MIPOL1: variants seen among roughly 807,000 people sequenced by gnomAD.
MIPOL1 encodes mirror-image polydactyly 1.
MIPOL1 carries 57 observed loss-of-function variants against 60.9 expected under a neutral mutation model. That is an observed-to-expected ratio of 0.94 (90% CI 0.76 to 1.17). MIPOL1 has a LOEUF of 1.17. Among genes scored for constraint, MIPOL1 ranks in the 50% most tolerant of loss-of-function variants. The pLI is 0.00. For synonymous variants in MIPOL1, 179 were observed against 168.8 expected (o/e 1.06, Z -0.47); for missense variants, 551 against 511.6 (o/e 1.08, Z -0.74).
intron 6 of MIPOL1, among the ~76,000 whole-genome samples, chr14:37,281,470 T>A (rs1186173220): frequency 6.6e-6 from 1 of 152,224 alleles, no homozygotes; most frequent in East Asian, 1.9e-4. Context: ...AGTGGCACGA[T>A]CTCAGCTTAC....
intron 9 of MIPOL1, among the ~76,000 whole-genome samples, chr14:37,359,018 T>A (rs2092043052): frequency 6.6e-6 from 1 of 152,192 alleles, no homozygotes; most frequent in African/African-American, 2.4e-5. Flanking sequence ...GTATAAGGTA[T>A]AAGGAAGGGA....
intron 1 of MIPOL1, among the ~76,000 whole-genome samples, chr14:37,230,029 GTATTA>G (rs1399550310): frequency 1.3e-5 from 2 of 152,048 alleles, no homozygotes; most frequent in East Asian, 1.9e-4. Context: ...TAATAACAAT[GTATTA>G]TATTCTTAAA....
At chr14:37,508,983 T>G (rs1453361398) in intron 12 of MIPOL1, among the ~76,000 whole-genome samples, 1 of 152,118 alleles carries the variant, frequency 6.6e-6, no homozygotes, top group Non-Finnish European at 1.5e-5. Flanking sequence ...TTTTCTACCT[T>G]TATGACTTCC....
chr14:37,413,826 T>C (rs922535183), intron 10 of MIPOL1, among the ~76,000 whole-genome samples: 1 of 152,226 alleles, frequency 6.6e-6, no homozygotes, highest in East Asian at 1.9e-4. Flanking sequence ...TTTACTAGGC[T>C]GTTTTATCCC....
At chr14:37,222,400 T>C (rs1968959495) in intron 1 of MIPOL1, among the ~76,000 whole-genome samples, 1 of 151,602 alleles carries the variant, frequency 6.6e-6, no homozygotes, top group Admixed American at 6.6e-5. Flanking sequence ...TTTTTTTTTT[T>C]TTTAACTTAT....
At chr14:37,289,660 G>C (rs950388116) in intron 7 of MIPOL1, among the ~76,000 whole-genome samples, 4 of 152,152 alleles carry the variant, frequency 2.6e-5, no homozygotes, top group Non-Finnish European at 5.9e-5. Flanking sequence ...CACATGTTCA[G>C]CTATTAGGAT....
At chr14:37,501,479 A>G (rs1326037696) in intron 12 of MIPOL1, 1 of 152,244 alleles carries the variant, frequency 6.6e-6, no homozygotes, top group Admixed American at 6.5e-5. Flanking sequence ...CTATTTTCAA[A>G]AAATCTTCGG....
At chr14:37,347,673 G>A (rs192634109) in intron 9 of MIPOL1, among the ~76,000 whole-genome samples, 3 of 152,266 alleles carry the variant, frequency 2.0e-5, no homozygotes, top group East Asian at 1.9e-4. Context: ...TATGGAAGAC[G>A]TTAAAGCAAC....
At chr14:37,270,642 T>A in intron 6 of MIPOL1, 117 bp downstream of exon 6, 1 of 39,406 alleles carries the variant, frequency 2.5e-5, no homozygotes, top group Non-Finnish European at 5.0e-5. Context: ...GAAGCTCTCC[T>A]TTTTTTTTTT....
chr14:37,534,524 T>C (rs987101031), intron 12 of MIPOL1, among the ~76,000 whole-genome samples: 3 of 152,194 alleles, frequency 2.0e-5, no homozygotes, highest in Non-Finnish European at 4.4e-5. Flanking sequence ...AATATTCTAT[T>C]GATTTTTGAG....
At chr14:37,552,323 T>G (rs571321160), downstream of MIPOL1, 1 of 152,332 alleles carries the variant, frequency 6.6e-6, no homozygotes, top group Admixed American at 6.5e-5. Flanking sequence ...TTAAGAAAAT[T>G]TTTAAAATAA....
At chr14:37,438,816 A>G (rs781297619) in intron 11 of MIPOL1, among the ~76,000 whole-genome samples, 4 of 152,224 alleles carry the variant, frequency 2.6e-5, no homozygotes, top group Non-Finnish European at 4.4e-5. Flanking sequence ...AAGCTCTAGC[A>G]TTATATCATA....
At chr14:37,346,638 T>G (rs1302924536) in intron 9 of MIPOL1, among the ~76,000 whole-genome samples, 1 of 152,026 alleles carries the variant, frequency 6.6e-6, no homozygotes, top group Non-Finnish European at 1.5e-5. Flanking sequence ...AGAGGAAACC[T>G]GAAGAGCTAT....
chr14:37,212,596 T>C (rs1966879229), intron 1 of MIPOL1, among the ~76,000 whole-genome samples: 1 of 152,108 alleles, frequency 6.6e-6, no homozygotes, highest in African/African-American at 2.4e-5. Context: ...CTCTACTCCC[T>C]GACTCTTGTA....
Position 37,308,344 on chromosome 14 carries a change from G to A in MIPOL1, c.658-5G>A. The A allele has an allele frequency of 6.5e-7, 1 of 1,533,704 alleles. No homozygotes were observed. The stretch of plus-strand genomic sequence containing the variant: ...TGTCTGACTAACATATAATGGTGTT[G>A]GTAGACATTACAGGAATTACTGAAC... On this transcript the variant is annotated splice_polypyrimidine_tract_variant and splice_region_variant and intron_variant, in intron 8 of 12. Coordinates refer to ENST00000684589, the MANE Select transcript of MIPOL1 (RefSeq NM_001388067.1).
chr14:37,280,332 A>G (rs2084002667), intron 6 of MIPOL1, among the ~76,000 whole-genome samples: 1 of 152,130 alleles, frequency 6.6e-6, no homozygotes, highest in Non-Finnish European at 1.5e-5. Flanking sequence ...TTGGATACAT[A>G]CCTGGAAGTG....
At chr14:37,403,053 C>G (rs964874467) in intron 10 of MIPOL1, among the ~76,000 whole-genome samples, 1 of 152,098 alleles carries the variant, frequency 6.6e-6, no homozygotes, top group Non-Finnish European at 1.5e-5. Context: ...CTGCCTAGTG[C>G]GAAGGGAAAG....
At chr14:37,288,462 T>C (rs1176060543) in intron 7 of MIPOL1, among the ~76,000 whole-genome samples, 1 of 152,120 alleles carries the variant, frequency 6.6e-6, no homozygotes. Flanking sequence ...TGGTATGGCA[T>C]TATTAGGTTA....
At position 37,500,007 on chromosome 14, in the gene MIPOL1, T is replaced by G; in HGVS notation, c.1131T>G (p.Val377=). 7 of 1,613,796 alleles carry G rather than the reference T, an allele frequency of 4.3e-6. No homozygotes were observed. The highest frequency in any genetic ancestry group is 5.1e-6 in the Non-Finnish European group (6 of 1,179,718). Residue 377 remains valine, a synonymous_variant, in exon 12 of 13, where the codon GTT becomes GTG. Transcript: ENST00000684589. ...CTTTAAAAAACAGAGAGAACATTGT[T>G]TCCATCACTCAACAACAAAATGAGG... ...EEALKNRENI[V]SITQQQNEEL...
Sources: gnomAD v4.1 joint callset for allele counts (sites outside exome capture counted in the v4.1 genomes callset) on GRCh38, gnomAD v4.1.1 for gene constraint, MANE v1.5 for transcripts, NCBI Gene and HGNC (gene_info 2026-07-23, HGNC 2026-07-21) for gene names.